Variants in WDR27 observed in about 807,000 individuals in gnomAD.
WDR27 encodes WD repeat domain 27.
A neutral mutation model predicts 114.4 loss-of-function variants in WDR27; 100 were observed. The ratio of observed to expected loss-of-function variants is 0.87; its 90% CI spans 0.74 to 1.03. The LOEUF (loss-of-function observed/expected upper bound fraction) is 1.03, where lower values mean the gene tolerates loss of function less well. Among genes scored for constraint, WDR27 ranks in the 50% least tolerant of loss-of-function variants. WDR27 has a pLI of 0.00. For missense variants in WDR27, 1,129 were observed against 1,092.9 expected (o/e 1.03, Z -0.47); for synonymous variants, 449 against 423.1 (o/e 1.06, Z -0.75).
chr6:169,609,957 A>G (rs1168996138), intron 22 of WDR27, among the ~76,000 whole-genome samples: 1 of 152,208 alleles, frequency 6.6e-6, no homozygotes, highest in Non-Finnish European at 1.5e-5. Flanking sequence ...TTCAAAGTCC[A>G]CAAATCTCTA....
intron 24 of WDR27, among the ~76,000 whole-genome samples, chr6:169,575,949 A>C (rs556332763): frequency 1.3e-5 from 2 of 152,364 alleles, no homozygotes; most frequent in Admixed American, 1.3e-4. Context: ...GTTTTCCTGC[A>C]AAATGAAGGC....
intron 7 of WDR27, chr6:169,664,639 G>A (rs1318458105): frequency 2.8e-6 from 3 of 1,081,488 alleles, no homozygotes; most frequent in South Asian, 3.9e-5. Flanking sequence ...TGCCCTGGGT[G>A]AGAAGACAAG....
At chr6:169,520,430 A>G (rs1794226562) in intron 25 of WDR27, among the ~76,000 whole-genome samples, 1 of 152,228 alleles carries the variant, frequency 6.6e-6, no homozygotes, top group Non-Finnish European at 1.5e-5. Flanking sequence ...CTGATAAAAA[A>G]TCAAAACAAA....
intron 19 of WDR27, among the ~76,000 whole-genome samples, chr6:169,634,857 G>A (rs906422086): frequency 1.3e-4 from 20 of 152,122 alleles, no homozygotes; most frequent in African/African-American, 4.1e-4. Flanking sequence ...CCCATCTCCC[G>A]CTACATATAA....
chr6:169,681,189 TA>T (rs1781437843), intron 2 of WDR27, among the ~76,000 whole-genome samples: 1 of 152,252 alleles, frequency 6.6e-6, no homozygotes, highest in Middle Eastern at 3.2e-3. Flanking sequence ...CAATGAATAT[TA>T]CTCAATAATA....
At chr6:169,696,704 G>A (rs897473771) in intron 1 of WDR27, among the ~76,000 whole-genome samples, 1 of 152,146 alleles carries the variant, frequency 6.6e-6, no homozygotes, top group African/African-American at 2.4e-5. Context: ...CACGAGGTCA[G>A]GAGTTCAAGA....
intron 23 of WDR27, among the ~76,000 whole-genome samples, chr6:169,586,772 C>T (rs1804663988): frequency 7.5e-6 from 1 of 133,882 alleles, no homozygotes; most frequent in Non-Finnish European, 1.5e-5. Context: ...TTGCTTGAAC[C>T]CAGGAGGCAG....
At chr6:169,643,642 C>T in intron 17 of WDR27, 55 bp downstream of exon 17, 1 of 1,479,214 alleles carries the variant, frequency 6.8e-7, no homozygotes, top group South Asian at 1.2e-5. Context: ...ATAACCAGGA[C>T]CTAAGTGAGA....
In WDR27 at chr6:169,664,466, C is replaced by T. The variant is rs371030103; in HGVS notation, c.784-180G>A. ...ACATCCCCTCTGGAGGCCCTCCGTA[C>T]GGCCCACGGTGTCAGAGCACTTTCA... is the stretch of plus-strand genomic sequence containing the variant. On this transcript the variant is annotated intron_variant, in intron 7 of 25. Transcript: ENST00000448612. 140 of 1,453,664 alleles carry T rather than the reference C, an allele frequency of 9.6e-5. No individual in the cohort carries two copies. The East Asian group carries it at 1.3e-3, about 13-fold the overall frequency. 90.0% of individuals were successfully genotyped at this position (1,453,664 alleles called of 1,614,324 possible).
chr6:169,641,686 C>T (rs919582500), intron 17 of WDR27, among the ~76,000 whole-genome samples: 1 of 152,222 alleles, frequency 6.6e-6, no homozygotes, highest in African/African-American at 2.4e-5. Context: ...CAACCAAGAG[C>T]TCGGGACCAG....
At chr6:169,501,531 A>T (rs1583813507) in intron 25 of WDR27, among the ~76,000 whole-genome samples, 1 of 152,350 alleles carries the variant, frequency 6.6e-6, no homozygotes, top group South Asian at 2.1e-4. Flanking sequence ...TTTAACAAAA[A>T]TGAATCTATC....
At chr6:169,666,331 T>A (rs368438115) in intron 6 of WDR27, 15 of 953,196 alleles carry the variant, frequency 1.6e-5, no homozygotes, top group Middle Eastern at 5.3e-4. Flanking sequence ...GAAAGAATGT[T>A]AAATCTTTGA....
the WDR27 span, among the ~76,000 whole-genome samples, chr6:169,452,079 AAAC>A: frequency 2.4e-4 from 37 of 152,246 alleles, no homozygotes; most frequent in African/African-American, 6.5e-4. Context: ...GTTTGTTTTA[AAAC>A]AACCACAGCA....
intron 19 of WDR27, among the ~76,000 whole-genome samples, chr6:169,636,104 T>C (rs182834664): frequency 5.3e-5 from 8 of 152,344 alleles, no homozygotes; most frequent in South Asian, 2.1e-4. Flanking sequence ...ATCACTTCAA[T>C]ATGCTGCAGA....
At chr6:169,641,626 T>C (rs1429720446) in intron 17 of WDR27, among the ~76,000 whole-genome samples, 1 of 152,030 alleles carries the variant, frequency 6.6e-6, no homozygotes, top group Non-Finnish European at 1.5e-5. Flanking sequence ...GCGTGGGCAG[T>C]CCCCGCTCCG....
chr6:169,501,922 T>C (rs1791298506), intron 25 of WDR27, among the ~76,000 whole-genome samples: 1 of 152,188 alleles, frequency 6.6e-6, no homozygotes, highest in East Asian at 1.9e-4. Flanking sequence ...TTCCAGATCT[T>C]TCCACTCACA....
Position 169,666,484 on chromosome 6 carries a change from G to C in WDR27, c.712+652C>G, listed in dbSNP as rs548270424. The stretch of plus-strand genomic sequence containing the variant: ...TTCTGGGAAGACAGAACGTGCACAA[G>C]GGGAGCAAAGCGAATGCAGGAAACC... On this transcript the variant is annotated intron_variant, in intron 6 of 25. Transcript: ENST00000448612. 1.8e-5 allele frequency: 18 copies of C among 985,486 alleles called. No individual in the cohort carries two copies. In the African/African-American group the frequency reaches 3.0e-4, roughly 16 times the overall value. 61.0% of individuals were successfully genotyped at this position (985,486 alleles called of 1,614,324 possible). A position where few individuals can be genotyped will look rare whatever the true frequency, so the allele number is the denominator to read the frequency against.
the WDR27 span, among the ~76,000 whole-genome samples, chr6:169,447,814 T>C: frequency 6.6e-6 from 1 of 152,248 alleles, no homozygotes; most frequent in Non-Finnish European, 1.5e-5. Flanking sequence ...ACTGGGGCTA[T>C]TAACAATCAC....
At chr6:169,549,431 A>T (rs893188446) in intron 25 of WDR27, among the ~76,000 whole-genome samples, 5 of 152,222 alleles carry the variant, frequency 3.3e-5, no homozygotes, top group Admixed American at 3.3e-4. Flanking sequence ...GTGGGAGTGC[A>T]AAATGGTGCA....
Sources: allele counts gnomAD v4.1 joint callset (sites outside exome capture counted in the v4.1 genomes callset), GRCh38; gene constraint gnomAD v4.1.1; transcripts MANE v1.5; gene names NCBI Gene and HGNC (gene_info 2026-07-23, HGNC 2026-07-21).